MAGEB3: variants seen among roughly 807,000 people sequenced by gnomAD.
MAGEB3 encodes MAGE family member B3.
For missense variants in MAGEB3, 191 were observed against 262.4 expected, an observed-to-expected ratio of 0.73 and a Z score of 1.88; for synonymous variants, 91 against 93.0, an observed-to-expected ratio of 0.98 and a Z score of 0.12.
At chrX:30,232,551 G>A (rs1382967845) in intron 2 of MAGEB3, among the ~76,000 whole-genome samples, 1 of 106,135 alleles carries the variant, frequency 9.4e-6, no homozygotes, top group Non-Finnish European at 2.0e-5. Context: ...AGCCCTAGGG[G>A]TCAAGGCTGC....
chrX:30,231,330 C>A (rs1437653196), intron 1 of MAGEB3, among the ~76,000 whole-genome samples, 187 bp from the exon 2 acceptor site: 1 of 103,517 alleles, frequency 9.7e-6, no homozygotes, highest in Non-Finnish European at 2.0e-5. Context: ...ATTAGCCGGG[C>A]GTGGTGCGGC....
rs754613263 is a variant in MAGEB3 at position 30,236,826 on chromosome X, G to T, written c.902G>T (p.Ser301Ile). 1 of 1,212,057 alleles carries T rather than the reference G, an allele frequency of 8.3e-7. No homozygotes were observed. Among genetic ancestry groups the T allele is most frequent in the Admixed American group, 2.2e-5 (1 of 46,074 alleles). ...GCCAAGGTCAATAAAACTGTCCCCA[G>T]TGCGTTCCAGTTCTGGTATGAAGAG... The part of the protein sequence containing the change: ...FWAKVNKTVP[S>I]AFQFWYEEAL... Residue 301 changes from serine to isoleucine, a missense_variant, in exon 5 of 5, where the codon AGT (serine) becomes ATT (isoleucine). Ser to Ile is a moderately radical substitution (Grantham distance 142). Coordinates refer to ENST00000361644, the MANE Select transcript of MAGEB3 (RefSeq NM_002365.5).
Position 30,235,836 on chromosome X carries a change from A to T in MAGEB3, c.-61-28A>T, listed in dbSNP as rs150327521. 1,417 of 702,774 alleles carry T rather than the reference A, an allele frequency of 2.0e-3. 14 individuals are homozygous for T. In the African/African-American group the frequency reaches 0.028, roughly 14 times the overall value. The allele number at this position is 702,774 out of a possible 1,213,427, so 57.9% of individuals were successfully genotyped here. ...TGGTACCTCTCTGCTGAAGGCACTCATACCCTCTCTTTCTCTCTCTCCTCC... is the reference window on the plus strand; with the variant it reads ...TGGTACCTCTCTGCTGAAGGCACTCTTACCCTCTCTTTCTCTCTCTCCTCC... On this transcript the variant is annotated intron_variant, in intron 4 of 4. Coordinates refer to ENST00000361644, the MANE Select transcript of MAGEB3 (RefSeq NM_002365.5).
chrX:30,233,961 T>C (rs1466559700), intron 4 of MAGEB3, among the ~76,000 whole-genome samples: 1 of 112,317 alleles, frequency 8.9e-6, no homozygotes, highest in Non-Finnish European at 1.9e-5. Flanking sequence ...AGGTGAAGTC[T>C]CCGAGTGCTA....
intron 4 of MAGEB3, among the ~76,000 whole-genome samples, chrX:30,234,711 A>G (rs1924928530): frequency 9.0e-6 from 1 of 111,691 alleles, no homozygotes; most frequent in African/African-American, 3.3e-5. Flanking sequence ...AGTCAAGGTG[A>G]GGGCCCTGAG....
intron 2 of MAGEB3, 76 bp downstream of exon 2, chrX:30,231,694 A>AG (rs1418997673): frequency 3.1e-5 from 3 of 97,765 alleles, no homozygotes; most frequent in Admixed American, 1.1e-4. Flanking sequence ...AAAAAAAAAA[A>AG]AAAAAAAAGA....
At chrX:30,233,735 C>A (rs761524608) in intron 4 of MAGEB3, among the ~76,000 whole-genome samples, 1 of 111,908 alleles carries the variant, frequency 8.9e-6, no homozygotes, top group Admixed American at 9.4e-5. Flanking sequence ...CGTGTCACCC[C>A]CTGCTGTCAG....
rs757734476 is a variant in MAGEB3 at position 30,236,714 on chromosome X, C to T, written c.790C>T (p.Pro264Ser). ...KLKYLEYRQV[P>S]NSNPARYEFL... ...TAAATACCTGGAGTACCGACAAGTG[C>T]CCAACAGTAATCCTGCACGCTATGA... is the stretch of plus-strand genomic sequence containing the variant. The change falls in exon 5 of 5, where the codon CCC becomes TCC. Residue 264 changes from proline (P) to serine (S), a missense_variant. By Grantham distance (74) the Pro-to-Ser change is moderately conservative. Coordinates refer to ENST00000361644, the MANE Select transcript of MAGEB3 (RefSeq NM_002365.5). 10 of 1,210,776 alleles carry T rather than the reference C, an allele frequency of 8.3e-6. No homozygotes were observed. The East Asian group carries it at 1.2e-4, about 14-fold the overall frequency.
Position 30,236,266 on chromosome X carries a change from G to C in MAGEB3, c.342G>C (p.Lys114Asn), listed in dbSNP as rs1273188468. The change falls in exon 5 of 5, where the codon AAG (lysine) becomes AAC (asparagine). Residue 114 changes from lysine (K) to asparagine (N), a missense_variant. Lys to Asn is a moderately conservative substitution (Grantham distance 94, BLOSUM62 0). Coordinates refer to ENST00000361644, the MANE Select transcript of MAGEB3 (RefSeq NM_002365.5). Reference protein sequence around the residue: ...VQSRTDPLIMKTNMLVQFLME... With the variant: ...VQSRTDPLIMNTNMLVQFLME... ...CTCGCACAGACCCTCTAATCATGAA[G>C]ACAAATATGTTGGTGCAGTTCCTGA... 3 of 1,205,785 alleles carry C rather than the reference G, an allele frequency of 2.5e-6. No individual in the cohort carries two copies. The Admixed American group carries it at 6.6e-5, about 27-fold the overall frequency.
rs531764575 is a variant in MAGEB3 at position 30,236,941 on chromosome X, G to A, written c.1017G>A (p.Lys339=). The stretch of plus-strand genomic sequence containing the variant: ...TGGGCAGAAAGTGTTCCAAGGCCAA[G>A]GCTAGCAGCTCTTCCCACGCCTAGT... ...SAMGRKCSKA[K]ASSSSHA is the part of the protein sequence containing the mutation. Residue 339 remains lysine (K), a synonymous_variant, in exon 5 of 5, where the codon AAG becomes AAA. Coordinates refer to ENST00000361644, the MANE Select transcript of MAGEB3 (RefSeq NM_002365.5). 1.6e-4 allele frequency: 193 copies of A among 1,199,570 alleles called. No homozygotes were observed. The South Asian group carries it at 3.4e-3, about 21-fold the overall frequency.
chrX:30,237,435 T>C lies in MAGEB3; in HGVS notation c.*470T>C, dbSNP rs184341363. On this transcript the variant is annotated 3_prime_UTR_variant, in exon 5 of 5. Coordinates refer to ENST00000361644, the MANE Select transcript of MAGEB3 (RefSeq NM_002365.5). ...AAAATGAAAGATAAATAACCATATATGTCTGGCTTACTTAAGAATGTAGAA... is the reference window on the plus strand; with the variant it reads ...AAAATGAAAGATAAATAACCATATACGTCTGGCTTACTTAAGAATGTAGAA... The C allele has an allele frequency of 1.6e-5, 2 of 125,360 alleles. No individual in the cohort carries two copies. The highest frequency in any genetic ancestry group is 3.7e-4 in the South Asian group (1 of 2,697). The allele number at this position is 125,360 out of a possible 1,213,427, so 10.3% of individuals were successfully genotyped here.
At chrX:30,232,417 C>T (rs1423422883) in intron 2 of MAGEB3, among the ~76,000 whole-genome samples, 3 of 101,117 alleles carry the variant, frequency 3.0e-5, no homozygotes, top group Non-Finnish European at 6.0e-5. Flanking sequence ...CCCAGGAGTT[C>T]GAAACCAGCC....
intron 3 of MAGEB3, among the ~76,000 whole-genome samples, 160 bp downstream of exon 3, chrX:30,233,076 A>G (rs1425771252): frequency 3.3e-4 from 35 of 107,353 alleles, no homozygotes; most frequent in Non-Finnish European, 6.4e-4. Flanking sequence ...GTGGTGGGGC[A>G]CAGGTGTAGT....
Position 30,236,188 on chromosome X carries a change from C to A in MAGEB3, c.264C>A (p.Ser88Arg). 2.5e-6 allele frequency: 3 copies of A among 1,210,396 alleles called. No homozygotes were observed. The highest frequency in any genetic ancestry group is 3.4e-6 in the Non-Finnish European group (3 of 894,845). Residue 88 changes from serine (S) to arginine (R), a missense_variant, in exon 5 of 5, where the codon AGC becomes AGA. Coordinates refer to ENST00000361644, the MANE Select transcript of MAGEB3 (RefSeq NM_002365.5). ...SYKKSYKGAN[S>R]KIEKKQSFSQ... ...AAAAGTCATACAAGGGAGCCAACAG[C>A]AAAATTGAGAAAAAGCAAAGCTTCT...
In MAGEB3 at chrX:30,236,785, G is replaced by A. The variant is rs1054284656; in HGVS notation, c.861G>A (p.Lys287=). 4 of 1,212,060 alleles carry A rather than the reference G, an allele frequency of 3.3e-6. No homozygotes were observed. Among genetic ancestry groups the A allele is most frequent in the South Asian group, 1.8e-5 (1 of 57,004 alleles). Residue 287 remains lysine, a synonymous_variant, in exon 5 of 5, where the codon AAG becomes AAA. Transcript: ENST00000361644. ...PRAHAETSKM[K]VLEFWAKVNK... ...CCCATGCTGAAACCAGCAAGATGAA[G>A]GTCCTGGAGTTTTGGGCCAAGGTCA...
At chrX:30,234,407 G>A (rs1363419354) in intron 4 of MAGEB3, among the ~76,000 whole-genome samples, 2 of 111,028 alleles carry the variant, frequency 1.8e-5, no homozygotes, top group Non-Finnish European at 3.8e-5. Flanking sequence ...CCTTGGAAGT[G>A]CTTTGAAGGG....
chrX:30,233,406 A>G (rs1478738284), intron 4 of MAGEB3, 43 bp downstream of exon 4: 1 of 66,345 alleles, frequency 1.5e-5, no homozygotes, highest in Non-Finnish European at 2.9e-5. Context: ...TGGAAGACAG[A>G]GAGAGCCCCT....
At position 30,233,079 on chromosome X, in the gene MAGEB3, G is replaced by A. The variant is rs1022055298; in HGVS notation, c.-164+163G>A. On this transcript the variant is annotated intron_variant, in intron 3 of 4. Transcript: ENST00000361644. ...AATTAGCCGGGCGTGGTGGGGCACA[G>A]GTGTAGTCCCAGCTATTCGGGAGGT... Among the ~76,000 whole-genome samples, 8 of 107,709 alleles carry A rather than the reference G, an allele frequency of 7.4e-5. 1 individual carries two copies. The Admixed American group carries it at 8.0e-4, about 11-fold the overall frequency. 93.5% of individuals were successfully genotyped at this position (107,709 alleles called of 115,157 possible).
In MAGEB3 at chrX:30,236,752, T is replaced by C. The variant is rs1924992506; in HGVS notation, c.828T>C (p.Gly276=). The change falls in exon 5 of 5, where the codon GGT becomes GGC. Residue 276 remains glycine (G), a synonymous_variant. Transcript: ENST00000361644. Reference sequence around the variant, plus strand: ...CTGCACGCTATGAATTCCTGTGGGGTCCAAGAGCCCATGCTGAAACCAGCA... The same window carrying C: ...CTGCACGCTATGAATTCCTGTGGGGCCCAAGAGCCCATGCTGAAACCAGCA... The part of the protein sequence containing the change: ...SNPARYEFLW[G]PRAHAETSKM... 1 of 1,211,507 alleles carries C rather than the reference T, an allele frequency of 8.3e-7. No homozygotes were observed. Among genetic ancestry groups the C allele is most frequent in the Non-Finnish European group, 1.1e-6 (1 of 895,444 alleles).
Sources: gnomAD v4.1 joint callset for allele counts (sites outside exome capture counted in the v4.1 genomes callset) on GRCh38, gnomAD v4.1.1 for gene constraint, MANE v1.5 for transcripts, NCBI Gene and HGNC (gene_info 2026-07-23, HGNC 2026-07-21) for gene names.